MAML2: variants seen among roughly 807,000 people sequenced by gnomAD.
The protein encoded by MAML2 is mastermind like transcriptional coactivator 2.
In MAML2, 22 loss-of-function variants were observed where a neutral mutation model predicts 96.1. The ratio of observed to expected loss-of-function variants is 0.23; its 90% CI spans 0.16 to 0.33. MAML2 has a LOEUF of 0.33. MAML2 is among the 10% of genes least tolerant of loss of function. The probability of loss-of-function intolerance (pLI) is 1.00; values close to 1 mark genes in which losing one functional copy is unlikely to be tolerated. For missense variants in MAML2, 1,367 were observed against 1,392.4 expected (o/e 0.98, Z 0.29); for synonymous variants, 561 against 521.3 (o/e 1.08, Z -1.04).
intron 1 of MAML2, among the ~76,000 whole-genome samples, chr11:96,205,685 C>T (rs1170846911): frequency 6.6e-6 from 1 of 152,210 alleles, no homozygotes; most frequent in Admixed American, 6.5e-5. Context: ...GCCCAAATGT[C>T]GCTGCTTCTG....
chr11:96,000,806 A>G (rs940741783), intron 2 of MAML2, among the ~76,000 whole-genome samples: 1 of 152,232 alleles, frequency 6.6e-6, no homozygotes, highest in African/African-American at 2.4e-5. Context: ...TGAGGAACAC[A>G]GATCCCAAAT....
intron 2 of MAML2, among the ~76,000 whole-genome samples, chr11:96,072,201 A>G (rs968945713): frequency 6.6e-6 from 1 of 152,260 alleles, no homozygotes; most frequent in African/African-American, 2.4e-5. Flanking sequence ...CTTGCCAAAA[A>G]AAAAGCTCTT....
chr11:96,171,481 G>GC (rs1861296072), intron 1 of MAML2, among the ~76,000 whole-genome samples: 2 of 152,018 alleles, frequency 1.3e-5, no homozygotes, highest in Non-Finnish European at 2.9e-5. Context: ...TATTCCCAGG[G>GC]CCCCAGTAAA....
intron 1 of MAML2, among the ~76,000 whole-genome samples, chr11:96,224,611 G>A (rs1166830316): frequency 6.6e-6 from 1 of 152,182 alleles, no homozygotes; most frequent in Non-Finnish European, 1.5e-5. Flanking sequence ...AATACAGTGA[G>A]CTTCATATCA....
chr11:96,010,531 T>G (rs1047513438), intron 2 of MAML2, among the ~76,000 whole-genome samples: 3 of 152,176 alleles, frequency 2.0e-5, no homozygotes, highest in African/African-American at 7.2e-5. Flanking sequence ...GAGGCTACAT[T>G]TTAGATTTCT....
chr11:96,163,821 T>G (rs1288184053), intron 1 of MAML2, among the ~76,000 whole-genome samples: 1 of 152,078 alleles, frequency 6.6e-6, no homozygotes, highest in East Asian at 1.9e-4. Flanking sequence ...TTAAAGGATA[T>G]TCTATCTTCT....
chr11:96,261,238 G>A (rs895187822), intron 1 of MAML2, among the ~76,000 whole-genome samples: 11 of 152,124 alleles, frequency 7.2e-5, no homozygotes, highest in African/African-American at 2.7e-4. Context: ...TAGCACATTA[G>A]CACGCTCAGC....
At chr11:96,007,639 A>G (rs1858205404) in intron 2 of MAML2, among the ~76,000 whole-genome samples, 1 of 152,124 alleles carries the variant, frequency 6.6e-6, no homozygotes, top group Non-Finnish European at 1.5e-5. Context: ...GATAGAAAGT[A>G]GATATTAAGT....
chr11:96,147,723 G>A (rs1220388681), intron 1 of MAML2, among the ~76,000 whole-genome samples: 2 of 152,186 alleles, frequency 1.3e-5, no homozygotes, highest in African/African-American at 4.8e-5. Context: ...AAGTAAACTG[G>A]TTATAAGGAA....
chr11:96,186,364 C>T (rs548947131), intron 1 of MAML2, among the ~76,000 whole-genome samples: 183 of 152,196 alleles, frequency 1.2e-3, no homozygotes, highest in African/African-American at 4.0e-3. Context: ...CCACGGTGGG[C>T]GGATCACCTG....
At chr11:96,251,566 C>T (rs951217746) in intron 1 of MAML2, among the ~76,000 whole-genome samples, 2 of 152,136 alleles carry the variant, frequency 1.3e-5, no homozygotes, top group African/African-American at 4.8e-5. Context: ...AGAGTTCTAG[C>T]TAAGCCCAAA....
chr11:96,202,628 A>C (rs1238498748), intron 1 of MAML2, among the ~76,000 whole-genome samples: 4 of 151,512 alleles, frequency 2.6e-5, no homozygotes, highest in Admixed American at 2.6e-4. Flanking sequence ...TTCCAGATGA[A>C]ATTTTTTTTT....
chr11:96,178,015 G>A (rs1224536821), intron 1 of MAML2, among the ~76,000 whole-genome samples: 3 of 140,352 alleles, frequency 2.1e-5, no homozygotes, highest in African/African-American at 7.9e-5. Flanking sequence ...CTACAATTTT[G>A]TACTCTTTAA....
intron 1 of MAML2, among the ~76,000 whole-genome samples, chr11:96,250,373 T>A (rs2062748366): frequency 6.6e-6 from 1 of 152,216 alleles, no homozygotes; most frequent in African/African-American, 2.4e-5. Flanking sequence ...AGCACATCCA[T>A]CATTTCAAAC....
intron 1 of MAML2, among the ~76,000 whole-genome samples, chr11:96,199,523 A>T (rs1249045077): frequency 3.5e-5 from 5 of 143,826 alleles, no homozygotes; most frequent in Admixed American, 7.0e-5. Flanking sequence ...GTTTCAGATA[A>T]TTTTTTTTTT....
intron 1 of MAML2, among the ~76,000 whole-genome samples, chr11:96,330,572 T>A (rs1863839814): frequency 6.6e-6 from 1 of 152,248 alleles, no homozygotes; most frequent in African/African-American, 2.4e-5. Context: ...ATATTTCTCA[T>A]AATTCTGTGG....
At position 96,093,104 on chromosome 11, in the gene MAML2, C is replaced by G; in HGVS notation, c.927G>C (p.Leu309=). 1 of 1,614,002 alleles carries G rather than the reference C, an allele frequency of 6.2e-7. No homozygotes were observed. Among genetic ancestry groups the G allele is most frequent in the South Asian group, 1.1e-5 (1 of 91,074 alleles). ...CAGATATGTTGGTCAGTTCATTGAA[C>G]AGTTCCTGCAGCTCAGGATCCATCA... ...EQLMDPELQE[L]FNELTNISVP... The change falls in exon 2 of 5, where the codon CTG becomes CTC. Residue 309 remains leucine, a synonymous_variant. Transcript: ENST00000524717.
chr11:96,165,551 A>T (rs953588176), intron 1 of MAML2, among the ~76,000 whole-genome samples: 37 of 152,306 alleles, frequency 2.4e-4, no homozygotes, highest in African/African-American at 8.9e-4. Flanking sequence ...TGTTTTTTTA[A>T]AAAAATGGCT....
chr11:96,142,231 C>T (rs368697307), intron 1 of MAML2, among the ~76,000 whole-genome samples: 2 of 152,114 alleles, frequency 1.3e-5, no homozygotes, highest in East Asian at 3.9e-4. Context: ...TGTTGAAACC[C>T]AAAGGACCAG....
Sources: allele counts gnomAD v4.1 joint callset (sites outside exome capture counted in the v4.1 genomes callset), GRCh38; gene constraint gnomAD v4.1.1; transcripts MANE v1.5; gene names NCBI Gene and HGNC (gene_info 2026-07-23, HGNC 2026-07-21).